Variants in LIMS1 observed in about 807,000 individuals in gnomAD.
LIMS1 encodes LIM and senescent cell antigen-like-containing domain protein 1.
In LIMS1, 18 loss-of-function variants were observed where a neutral mutation model predicts 44.1. The ratio of observed to expected loss-of-function variants is 0.41; its 90% CI spans 0.28 to 0.61. LIMS1 has a LOEUF of 0.61. Ranked by LOEUF, LIMS1 falls within the 20% of genes least tolerant of loss-of-function variation. The probability of loss-of-function intolerance (pLI) is 0.32; values close to 1 mark genes in which losing one functional copy is unlikely to be tolerated. For missense variants in LIMS1, 201 were observed against 422.0 expected, an observed-to-expected ratio of 0.48 and a Z score of 4.59; for synonymous variants, 93 against 149.1, an observed-to-expected ratio of 0.62 and a Z score of 2.74.
chr2:108,633,057 C>A, intron 1 of LIMS1, among the ~76,000 whole-genome samples: 1 of 152,234 alleles, frequency 6.6e-6, no homozygotes, highest in Non-Finnish European at 1.5e-5. Context: ...ATCCCCTGCT[C>A]TGCTCTGAAA....
chr2:108,585,223 T>C (rs115616196), intron 1 of LIMS1, among the ~76,000 whole-genome samples: 1 of 150,834 alleles, frequency 6.6e-6, no homozygotes, highest in African/African-American at 2.4e-5. Flanking sequence ...GGATGCTGAC[T>C]GTCCTCAGTG....
At chr2:108,571,062 C>T (rs959362165) in intron 1 of LIMS1, among the ~76,000 whole-genome samples, 2 of 152,122 alleles carry the variant, frequency 1.3e-5, no homozygotes, top group Non-Finnish European at 2.9e-5. Flanking sequence ...ATTTCCTTTC[C>T]TTTCTGCATC....
intron 5 of LIMS1, among the ~76,000 whole-genome samples, chr2:108,675,567 A>G (rs1234882604): frequency 6.6e-6 from 1 of 152,236 alleles, no homozygotes; most frequent in Non-Finnish European, 1.5e-5. Context: ...TGTAGCTTTT[A>G]GAGGAAGACA....
At chr2:108,667,067 T>A (rs1691811991) in intron 2 of LIMS1, among the ~76,000 whole-genome samples, 1 of 151,858 alleles carries the variant, frequency 6.6e-6, no homozygotes, top group East Asian at 1.9e-4. Context: ...CCTCTCTGCC[T>A]TTCCTGAAGG....
At chr2:108,537,663 G>T (rs1684185932) in intron 1 of LIMS1, among the ~76,000 whole-genome samples, 1 of 152,226 alleles carries the variant, frequency 6.6e-6, no homozygotes, top group Admixed American at 6.5e-5. Context: ...TTCAGTTCTG[G>T]TGGTTCCGGT....
chr2:108,555,319 C>G (rs1437999240), intron 1 of LIMS1, among the ~76,000 whole-genome samples: 1 of 152,166 alleles, frequency 6.6e-6, no homozygotes, highest in Non-Finnish European at 1.5e-5. Context: ...GGGGATCAGT[C>G]TTGAGGTGAG....
intron 1 of LIMS1, among the ~76,000 whole-genome samples, chr2:108,536,440 CAT>C (rs1558777597): frequency 6.6e-6 from 1 of 152,208 alleles, no homozygotes; most frequent in Non-Finnish European, 1.5e-5. Context: ...TTGTGCATGT[CAT>C]AGTTTGTTCC....
intron 1 of LIMS1, among the ~76,000 whole-genome samples, chr2:108,604,553 A>G (rs1031221368): frequency 6.6e-6 from 1 of 152,210 alleles, no homozygotes; most frequent in African/African-American, 2.4e-5. Flanking sequence ...CTCAAATTAA[A>G]TTTTGTTCTA....
intron 1 of LIMS1, among the ~76,000 whole-genome samples, chr2:108,537,768 C>T (rs1349714997): frequency 6.6e-6 from 1 of 152,154 alleles, no homozygotes; most frequent in East Asian, 1.9e-4. Context: ...AGCCCCTTGA[C>T]CTGTCTCCTG....
At chr2:108,637,145 G>GTA (rs1491552343) in intron 1 of LIMS1, among the ~76,000 whole-genome samples, 1 of 142,030 alleles carries the variant, frequency 7.0e-6, no homozygotes, top group African/African-American at 2.6e-5. Flanking sequence ...GTGTGTGTGT[G>GTA]TATTTTAGTT....
chr2:108,666,981 A>G (rs1691802139), intron 2 of LIMS1, among the ~76,000 whole-genome samples: 1 of 151,206 alleles, frequency 6.6e-6, no homozygotes, highest in Admixed American at 6.6e-5. Context: ...GTCCTTTTAA[A>G]TTTTTACGGA....
At chr2:108,612,753 G>A (rs1478162405) in intron 1 of LIMS1, among the ~76,000 whole-genome samples, 3 of 152,036 alleles carry the variant, frequency 2.0e-5, no homozygotes, top group Non-Finnish European at 4.4e-5. Context: ...GACTAGGTCT[G>A]GGTCATTTGG....
rs566699169 is a variant in LIMS1 at position 108,538,744 on chromosome 2, T to A, written c.32+4150T>A. 3.3e-5 allele frequency among the ~76,000 whole-genome samples: 5 copies of A among 152,336 alleles called. No individual in the cohort carries two copies. The South Asian group carries it at 1.0e-3, about 32-fold the overall frequency. On this transcript the variant is annotated intron_variant, in intron 1 of 9. Transcript: ENST00000544547. ...AAAACAAAATTTACTATTTTAACCATTTTTGAGTGTACAGTTCTGTGGCAT... is the reference window on the plus strand; with the variant it reads ...AAAACAAAATTTACTATTTTAACCAATTTTGAGTGTACAGTTCTGTGGCAT...
At chr2:108,607,319 T>G in intron 1 of LIMS1, 1 of 1,443,724 alleles carries the variant, frequency 6.9e-7, no homozygotes. Flanking sequence ...AGAACATAAT[T>G]GAGCACACCA....
chr2:108,678,005 C>T (rs1340612011), exon 8 of LIMS1: 3 of 1,604,932 alleles, frequency 1.9e-6, no homozygotes, highest in Non-Finnish European at 2.5e-6. Flanking sequence ...GCTTCCACTG[C>T]AATCGTGTTA....
At chr2:108,632,306 A>G (rs1336583702) in intron 1 of LIMS1, among the ~76,000 whole-genome samples, 1 of 152,154 alleles carries the variant, frequency 6.6e-6, no homozygotes, top group East Asian at 1.9e-4. Flanking sequence ...GAAGCCACAC[A>G]TGTTTGAAAA....
exon 10 of LIMS1, chr2:108,685,431 G>GA: frequency 7.0e-6 from 1 of 142,200 alleles, no homozygotes; most frequent in Non-Finnish European, 1.6e-5. Context: ...GAAAATATTT[G>GA]GGTTTTTTTT....
intron 1 of LIMS1, among the ~76,000 whole-genome samples, chr2:108,575,295 G>A (rs1013305216): frequency 7.2e-5 from 11 of 152,000 alleles, no homozygotes; most frequent in Admixed American, 2.6e-4. Context: ...TTATATGCTC[G>A]TTAGAATGTG....
chr2:108,551,157 C>T (rs1324665819), intron 1 of LIMS1, among the ~76,000 whole-genome samples: 4 of 151,752 alleles, frequency 2.6e-5, no homozygotes, highest in Non-Finnish European at 4.4e-5. Context: ...CACACAGCTT[C>T]GTTGAAGTAT....
Sources: allele counts gnomAD v4.1 joint callset (sites outside exome capture counted in the v4.1 genomes callset), GRCh38; gene constraint gnomAD v4.1.1; transcripts MANE v1.5; gene names NCBI Gene and HGNC (gene_info 2026-07-23, HGNC 2026-07-21).